NIN: variants seen among roughly 807,000 people sequenced by gnomAD.
NIN encodes the protein glycogen synthase kinase 3 beta-interacting protein.
In NIN, 137 loss-of-function variants were observed where a neutral mutation model predicts 257.6. That is an observed-to-expected ratio of 0.53 (90% CI 0.46 to 0.61). The LOEUF is 0.61. Among genes scored for constraint, NIN ranks in the 20% least tolerant of loss-of-function variants. NIN has a pLI of 0.00. For synonymous variants in NIN, 918 were observed against 919.8 expected (o/e 1.00, Z 0.04); for missense variants, 2,439 against 2,501.2 (o/e 0.98, Z 0.53).
chr14:50,748,040 C>T lies in NIN; in HGVS notation c.5016G>A (p.Val1672=). ...CTTTGAGAAGGTGGTTTTCCTGTTG[C>T]ACAATATGGGTCTGTATTTTAACTT... is the stretch of plus-strand genomic sequence containing the variant. ...LSEVKIQTHI[V]QQENHLLKDE... Residue 1672 remains valine, a synonymous_variant, in exon 22 of 31, where the codon GTG becomes GTA. Transcript: ENST00000530997. The T allele has an allele frequency of 1.9e-6, 3 of 1,614,028 alleles. No homozygotes were observed. The highest frequency in any genetic ancestry group is 1.1e-5 in the South Asian group (1 of 91,082).
rs1947507838 is a variant in NIN at position 50,752,569 on chromosome 14, C to T, written c.4899G>A (p.Arg1633=). The change falls in exon 21 of 31, where the codon CGG becomes CGA. Residue 1633 remains arginine (R), a synonymous_variant. Coordinates refer to ENST00000530997, the MANE Select transcript of NIN (RefSeq NM_020921.4). Reference sequence around the variant, plus strand: ...CTTTCAGATTAAACTTCTCTTGTTCCCGTTCCTCCAATGCACTGTTTCCTG... The same window carrying T: ...CTTTCAGATTAAACTTCTCTTGTTCTCGTTCCTCCAATGCACTGTTTCCTG... The part of the protein sequence containing the change: ...KEPGNSALEE[R]EQEKFNLKEE... 1 of 1,613,952 alleles carries T rather than the reference C, an allele frequency of 6.2e-7. No individual in the cohort carries two copies. Among genetic ancestry groups the T allele is most frequent in the Admixed American group, 1.7e-5 (1 of 59,992 alleles).
chr14:50,767,595 A>G (rs2042543298), intron 12 of NIN, among the ~76,000 whole-genome samples: 1 of 152,192 alleles, frequency 6.6e-6, no homozygotes, highest in Non-Finnish European at 1.5e-5. Flanking sequence ...AGGTGGGCGG[A>G]TCATGAGGTC....
chr14:50,735,762 A>G (rs1025199965), intron 27 of NIN, 145 bp from the exon 28 acceptor site: 2 of 1,039,098 alleles, frequency 1.9e-6, no homozygotes, highest in African/African-American at 3.2e-5. Context: ...AAATAATACA[A>G]TTCAGTGTAT....
chr14:50,736,354 G>T (rs1201577329), intron 27 of NIN, among the ~76,000 whole-genome samples: 2 of 151,774 alleles, frequency 1.3e-5, no homozygotes, highest in Non-Finnish European at 1.5e-5. Flanking sequence ...GATGAGACTG[G>T]TCTCGAACTC....
At chr14:50,787,739 G>C (rs1239241513) in intron 5 of NIN, among the ~76,000 whole-genome samples, 1 of 152,184 alleles carries the variant, frequency 6.6e-6, no homozygotes, top group Non-Finnish European at 1.5e-5. Context: ...TAGCCTCATG[G>C]TGGGACCTAC....
intron 5 of NIN, among the ~76,000 whole-genome samples, chr14:50,786,443 G>A (rs1249609997): frequency 6.6e-6 from 1 of 152,178 alleles, no homozygotes; most frequent in Non-Finnish European, 1.5e-5. Context: ...ATCAAGTCAG[G>A]AAGGCTCACC....
intron 14 of NIN, among the ~76,000 whole-genome samples, chr14:50,764,590 G>T (rs1194402612): frequency 1.3e-5 from 2 of 152,048 alleles, no homozygotes; most frequent in African/African-American, 4.8e-5. Context: ...CTTAACCGGT[G>T]AATTAATAAA....
chr14:50,757,759 A>C lies in NIN; in HGVS notation c.3271T>G (p.Leu1091Val). 1 of 1,614,198 alleles carries C rather than the reference A, an allele frequency of 6.2e-7. No individual in the cohort carries two copies. Among genetic ancestry groups the C allele is most frequent in the Non-Finnish European group, 8.5e-7 (1 of 1,180,036 alleles). ...TCTAACTTTTGTAGCCTCTGTTGCA[A>C]TCTAGAAATTTCAGTAGCCATTTTC... Reference protein sequence around the residue: ...NVKMATEISRLQQRLQKLEPG... With the variant: ...NVKMATEISRVQQRLQKLEPG... Residue 1091 changes from leucine to valine, a missense_variant, in exon 18 of 31, where the codon TTG becomes GTG. Around this residue, in one of 3 missense-constraint regions of NIN, gnomAD observed 2,043 missense variants for 2,050.2 expected, o/e 1.00. Transcript: ENST00000530997.
At position 50,726,728 on chromosome 14, in the gene NIN, T is replaced by A. The variant is rs181427084; in HGVS notation, c.6079-662A>T. 5.3e-5 allele frequency among the ~76,000 whole-genome samples: 8 copies of A among 152,266 alleles called. No homozygotes were observed. In the East Asian group the frequency reaches 1.5e-3, roughly 29 times the overall value. On this transcript the variant is annotated intron_variant, in intron 29 of 30. Coordinates refer to ENST00000530997, the MANE Select transcript of NIN (RefSeq NM_020921.4). The stretch of plus-strand genomic sequence containing the variant: ...CAACGGTGATGGGTTAAGGAGTAAG[T>A]GAGTTTTGGAGAGGAGAGAGACCTA...
Position 50,772,019 on chromosome 14 carries a change from A to AC in NIN, c.981+281_981+282insG, listed in dbSNP as rs1491562091. On this transcript the variant is annotated intron_variant, in intron 9 of 30. Transcript: ENST00000530997. ...AACAAACAACAAAAAACAAAAAAAA[A>AC]ACACAACAACAACAACAACAACACT... The AC allele has an allele frequency of 2.4e-4, 69 of 290,248 alleles. 1 individual carries two copies. The highest frequency in any genetic ancestry group is 1.2e-3 in the East Asian group (21 of 16,896). The allele number at this position is 290,248 out of a possible 1,614,324, so 18.0% of individuals were successfully genotyped here. A position where few individuals can be genotyped will look rare whatever the true frequency, so the allele number is the denominator to read the frequency against.
rs200849338 is a variant in NIN at position 50,758,421 on chromosome 14, G to A, written c.2609C>T (p.Ala870Val). Residue 870 changes from alanine (A) to valine (V), a missense_variant, in exon 18 of 31, where the codon GCG becomes GTG. By Grantham distance (64) the Ala-to-Val change is moderately conservative (BLOSUM62 0). Coordinates refer to ENST00000530997, the MANE Select transcript of NIN (RefSeq NM_020921.4). ...CTCTTTCAGCAGCTCCTGGGCTTCC[G>A]CACACTCCTGGGTGAGCTCGTCCTT... ...FEKDELTQEC[A>V]EAQELLKETL... 1.3e-4 allele frequency: 210 copies of A among 1,613,924 alleles called. No individual in the cohort carries two copies. Among genetic ancestry groups the A allele is most frequent in the Non-Finnish European group, 1.4e-4 (163 of 1,179,834 alleles).
intron 16 of NIN, 65 bp from the exon 17 acceptor site, chr14:50,760,424 G>T: frequency 2.1e-6 from 2 of 967,216 alleles, no homozygotes; most frequent in Non-Finnish European, 1.5e-6. Flanking sequence ...GTGAAGTGAT[G>T]GAGCAGCAAT....
Position 50,735,594 on chromosome 14 carries a change from T to C in NIN, c.5799A>G (p.Glu1933=). ...CCAAATGAATTGTTTCTAATTCTTG[T>C]TCAAGGGAATTCATCTGACTGACCT... ...NRKVSQMNSL[E]QELETIHLEN... Residue 1933 remains glutamate (E), a synonymous_variant, in exon 28 of 31, where the codon GAA becomes GAG. Coordinates refer to ENST00000530997, the MANE Select transcript of NIN (RefSeq NM_020921.4). 1 of 1,611,778 alleles carries C rather than the reference T, an allele frequency of 6.2e-7. No individual in the cohort carries two copies. The highest frequency in any genetic ancestry group is 8.5e-7 in the Non-Finnish European group (1 of 1,179,948).
At chr14:50,805,338 G>A (rs868275763) in intron 4 of NIN, among the ~76,000 whole-genome samples, 5 of 152,076 alleles carry the variant, frequency 3.3e-5, no homozygotes, top group East Asian at 1.9e-4. Context: ...TTCTAGCAGC[G>A]GTCACCTGTG....
chr14:50,797,821 G>A (rs982440393), intron 4 of NIN, among the ~76,000 whole-genome samples: 7 of 152,070 alleles, frequency 4.6e-5, no homozygotes, highest in Admixed American at 1.3e-4. Context: ...AAAGAAGTGG[G>A]TGGGGAAACA....
At chr14:50,723,710 G>A (rs1368239642) in intron 30 of NIN, 38 bp from the exon 31 acceptor site, 2 of 1,576,184 alleles carry the variant, frequency 1.3e-6, no homozygotes, top group Admixed American at 3.4e-5. Context: ...CTCCATTTCT[G>A]TAACTCTTCT....
intron 29 of NIN, 22 bp downstream of exon 29, chr14:50,729,501 T>C: frequency 6.2e-7 from 1 of 1,601,758 alleles, no homozygotes; most frequent in Non-Finnish European, 8.5e-7. Flanking sequence ...GGTGATCTAC[T>C]AGAGTAGAGA....
intron 18 of NIN, among the ~76,000 whole-genome samples, chr14:50,756,278 A>G (rs2042022634): frequency 6.6e-6 from 1 of 152,222 alleles, no homozygotes; most frequent in Non-Finnish European, 1.5e-5. Context: ...TTCACACCCC[A>G]TATGAACACT....
chr14:50,739,233 C>A, intron 26 of NIN, 75 bp downstream of exon 26: 1 of 1,414,966 alleles, frequency 7.1e-7, no homozygotes, highest in Non-Finnish European at 9.9e-7. Flanking sequence ...CCATTCCAAT[C>A]ATATCCAACA....
Sources: allele counts gnomAD v4.1 joint callset (sites outside exome capture counted in the v4.1 genomes callset), GRCh38; gene constraint gnomAD v4.1.1; regional missense constraint gnomAD v4.1.1; transcripts MANE v1.5; gene names NCBI Gene and HGNC (gene_info 2026-07-23, HGNC 2026-07-21).